Variants in ADGRL3 observed in about 807,000 individuals in gnomAD.
ADGRL3 encodes the protein calcium-independent alpha-latrotoxin receptor 3.
Under a neutral mutation model 153.5 loss-of-function variants are expected in ADGRL3, and 62 were observed. The ratio of observed to expected loss-of-function variants is 0.40; its 90% CI spans 0.33 to 0.50. ADGRL3 has a LOEUF of 0.50. Among genes scored for constraint, ADGRL3 ranks in the 20% least tolerant of loss-of-function variants. The pLI is 0.47. For synonymous variants in ADGRL3, 710 were observed against 672.5 expected (o/e 1.06, Z -0.86); for missense variants, 1,641 against 1,859.4 (o/e 0.88, Z 2.16).
chr4:61,350,977 T>A (rs926436424), intron 1 of ADGRL3, among the ~76,000 whole-genome samples: 73 of 152,298 alleles, frequency 4.8e-4, no homozygotes, highest in African/African-American at 1.7e-3. Flanking sequence ...TTAAGCTTAG[T>A]GAGGAAGGCA....
intron 9 of ADGRL3, among the ~76,000 whole-genome samples, chr4:61,820,363 G>T (rs6846860): frequency 0.054 from 8,169 of 152,130 alleles, 370 homozygotes; most frequent in African/African-American, 0.12. Context: ...CTGAATAGGG[G>T]TGTAAATTCC....
chr4:61,537,370 C>T (rs2098663345), intron 4 of ADGRL3, among the ~76,000 whole-genome samples: 1 of 151,894 alleles, frequency 6.6e-6, no homozygotes, highest in Non-Finnish European at 1.5e-5. Flanking sequence ...TGATGTTCAG[C>T]TTGTGTTGTA....
intron 2 of ADGRL3, among the ~76,000 whole-genome samples, chr4:61,465,758 A>AATAAATATATATATATATAT (rs71664991): frequency 3.8e-5 from 5 of 130,178 alleles, no homozygotes; most frequent in African/African-American, 1.4e-4. Flanking sequence ...ATTATATATA[A>AATAAATATATATATATATAT]ATATATATAT....
At chr4:61,512,957 G>A (rs1401276832) in intron 3 of ADGRL3, among the ~76,000 whole-genome samples, 1 of 152,038 alleles carries the variant, frequency 6.6e-6, no homozygotes, top group Non-Finnish European at 1.5e-5. Context: ...TGGTTGGGTT[G>A]CTAATAAAGA....
chr4:61,665,176 C>T (rs931862963), intron 5 of ADGRL3, among the ~76,000 whole-genome samples: 15 of 152,050 alleles, frequency 9.9e-5, no homozygotes, highest in African/African-American at 3.1e-4. Context: ...TGTGGGAGGC[C>T]GAGTCAGGTG....
rs1270800831 is a variant in ADGRL3 at position 62,071,787 on chromosome 4, A to G, written c.*879A>G. 1.5e-5 allele frequency: 6 copies of G among 403,844 alleles called. No homozygotes were observed. Among genetic ancestry groups the G allele is most frequent in the Non-Finnish European group, 1.4e-5 (3 of 210,536 alleles). The allele number at this position is 403,844 out of a possible 1,614,324, so 25.0% of individuals were successfully genotyped here. On this transcript the variant is annotated 3_prime_UTR_variant, in exon 27 of 27. Coordinates refer to ENST00000683033, the MANE Select transcript of ADGRL3 (RefSeq NM_001387552.1). ...ATTCCTTTAAAATTTCGCCTGGCAA[A>G]AAATAAATAAATGGAACTATCACTT...
intron 2 of ADGRL3, among the ~76,000 whole-genome samples, chr4:61,480,073 T>G (rs189984275): frequency 8.7e-4 from 132 of 152,282 alleles, no homozygotes; most frequent in African/African-American, 2.9e-3. Flanking sequence ...ATTTCAAGCA[T>G]GTACTGTTAT....
intron 8 of ADGRL3, among the ~76,000 whole-genome samples, chr4:61,768,972 G>T (rs1297491686): frequency 6.6e-6 from 1 of 151,852 alleles, no homozygotes; most frequent in Admixed American, 6.6e-5. Flanking sequence ...AGAGGTTGGG[G>T]TGTGGAAATA....
chr4:61,886,624 AT>A (rs1158147315), intron 9 of ADGRL3, among the ~76,000 whole-genome samples: 3 of 149,016 alleles, frequency 2.0e-5, no homozygotes, highest in African/African-American at 5.0e-5. Flanking sequence ...TTTAGACTAC[AT>A]TTGTTTGTTT....
chr4:61,642,731 A>T (rs1560984535), intron 5 of ADGRL3, among the ~76,000 whole-genome samples: 3 of 152,136 alleles, frequency 2.0e-5, no homozygotes, highest in Admixed American at 1.3e-4. Flanking sequence ...TGATGCCTCC[A>T]GCTTTGTTCT....
Position 61,935,999 on chromosome 4 carries a change from C to T in ADGRL3, c.2373C>T (p.Ser791=). Residue 791 remains serine (S), a synonymous_variant, in exon 15 of 27, where the codon AGC becomes AGT. Coordinates refer to ENST00000683033, the MANE Select transcript of ADGRL3 (RefSeq NM_001387552.1). The part of the protein sequence containing the change: ...LKFPENMGHG[S]TIQLSANTLK... ...TTCCAGAAAACATGGGCCATGGAAG[C>T]ACTATCCAGCTGTCTGCAAATACCT... is the stretch of plus-strand genomic sequence containing the variant. The T allele has an allele frequency of 6.2e-7, 1 of 1,609,622 alleles. No individual in the cohort carries two copies. The highest frequency in any genetic ancestry group is 1.7e-4 in the Middle Eastern group (1 of 6,050).
intron 1 of ADGRL3, among the ~76,000 whole-genome samples, chr4:61,379,642 G>T (rs775123779): frequency 6.6e-6 from 1 of 151,976 alleles, no homozygotes; most frequent in Non-Finnish European, 1.5e-5. Flanking sequence ...CATGAACCCT[G>T]ACTGGATAGT....
rs1756641332 is a variant in ADGRL3, at chr4:61,245,368, T to TTC, written c.-240+43606_-240+43607dup. Among the ~76,000 whole-genome samples, 8 of 152,184 alleles carry TTC rather than the reference T, an allele frequency of 5.3e-5. 1 individual carries two copies. The South Asian group carries it at 1.7e-3, about 32-fold the overall frequency. ...TCCTGAAATACATTTAAAAAATTTC[T>TTC]TCTCCAGATAAAGCCTAGTCATCCT... On this transcript the variant is annotated intron_variant, in intron 1 of 26. Transcript: ENST00000683033.
chr4:62,000,195 A>G (rs1049867922), intron 21 of ADGRL3, among the ~76,000 whole-genome samples: 5 of 151,712 alleles, frequency 3.3e-5, no homozygotes, highest in African/African-American at 1.2e-4. Flanking sequence ...TTTAACATTT[A>G]TGTAGCACTA....
rs1248243542 is a variant in ADGRL3, at chr4:62,070,259, C to T, written c.3983C>T (p.Ala1328Val). 31 of 1,607,110 alleles carry T rather than the reference C, an allele frequency of 1.9e-5. No homozygotes were observed. The highest frequency in any genetic ancestry group is 2.6e-5 in the Non-Finnish European group (31 of 1,176,128). ...CGTGGCTATAACCATAACGAGACCG[C>T]CCTAGAGAAAAAGATTCTGAAGGAA... The part of the protein sequence containing the change: ...IDRGYNHNET[A>V]LEKKILKELT... Residue 1328 changes from alanine to valine, a missense_variant, in exon 27 of 27, where the codon GCC (alanine) becomes GTC (valine). Coordinates refer to ENST00000683033, the MANE Select transcript of ADGRL3 (RefSeq NM_001387552.1).
intron 6 of ADGRL3, among the ~76,000 whole-genome samples, chr4:61,699,891 A>T (rs911033285): frequency 6.6e-6 from 1 of 152,032 alleles, no homozygotes; most frequent in South Asian, 2.1e-4. Context: ...AACTATGCTT[A>T]TAAGAAGTTA....
chr4:61,895,708 A>G (rs750356231), intron 10 of ADGRL3, 23 bp from the exon 11 acceptor site: 89 of 1,273,892 alleles, frequency 7.0e-5, no homozygotes, highest in Non-Finnish European at 9.5e-5. Flanking sequence ...AAAGAAACAG[A>G]TACATTTCTC....
chr4:61,356,123 A>AT (rs2096162064), intron 1 of ADGRL3, among the ~76,000 whole-genome samples: 1 of 152,042 alleles, frequency 6.6e-6, no homozygotes, highest in Non-Finnish European at 1.5e-5. Context: ...TGATAAATCC[A>AT]TTTTTATTTG....
chr4:62,041,087 T>G (rs1728025480), intron 24 of ADGRL3, among the ~76,000 whole-genome samples: 1 of 152,180 alleles, frequency 6.6e-6, no homozygotes, highest in South Asian at 2.1e-4. Context: ...CATTTTATTT[T>G]GATTACTTTG....
Sources: allele counts gnomAD v4.1 joint callset (sites outside exome capture counted in the v4.1 genomes callset), GRCh38; gene constraint gnomAD v4.1.1; transcripts MANE v1.5; gene names NCBI Gene and HGNC (gene_info 2026-07-23, HGNC 2026-07-21).